The following CDH13 variants were observed in gnomAD, a reference collection of about 807,000 sequenced individuals.
CDH13 encodes cadherin-13.
Under a neutral mutation model 63.8 loss-of-function variants are expected in CDH13, and 24 were observed. The observed-to-expected ratio is 0.38, with a 90% CI of 0.27 to 0.53. The LOEUF (loss-of-function observed/expected upper bound fraction) is 0.53, where lower values mean the gene tolerates loss of function less well. Ranked by LOEUF, CDH13 falls within the 20% of genes least tolerant of loss-of-function variation. The pLI is 0.85. For synonymous variants in CDH13, 503 were observed against 355.3 expected (o/e 1.42, Z -4.67); for missense variants, 1,049 against 903.1 (o/e 1.16, Z -2.07).
intron 1 of CDH13, among the ~76,000 whole-genome samples, chr16:82,741,240 G>A (rs996571558): frequency 6.6e-6 from 1 of 152,146 alleles, no homozygotes; most frequent in Non-Finnish European, 1.5e-5. Flanking sequence ...ACAGTGTGTG[G>A]TTTGTCTCTT....
At chr16:83,332,427 A>G (rs916852720) in intron 5 of CDH13, among the ~76,000 whole-genome samples, 2 of 152,184 alleles carry the variant, frequency 1.3e-5, no homozygotes, top group Admixed American at 6.5e-5. Flanking sequence ...GATAAAACAC[A>G]TTTTAACACT....
At chr16:83,297,195 AT>A (rs1567572493) in intron 5 of CDH13, among the ~76,000 whole-genome samples, 1 of 152,154 alleles carries the variant, frequency 6.6e-6, no homozygotes, top group East Asian at 1.9e-4. Context: ...TCATTATTAT[AT>A]TGTGTATCTG....
At chr16:83,294,823 T>G (rs1010051544) in intron 5 of CDH13, among the ~76,000 whole-genome samples, 2 of 152,062 alleles carry the variant, frequency 1.3e-5, no homozygotes, top group Non-Finnish European at 2.9e-5. Context: ...ATCCACAGAT[T>G]CAACATAATC....
At chr16:83,301,297 C>T (rs968948438) in intron 5 of CDH13, among the ~76,000 whole-genome samples, 2 of 152,046 alleles carry the variant, frequency 1.3e-5, no homozygotes, top group African/African-American at 2.4e-5. Flanking sequence ...TCCCAAAGTG[C>T]AGGGATTACA....
intron 4 of CDH13, chr16:83,180,978 A>T: frequency 8.5e-6 from 13 of 1,531,684 alleles, no homozygotes; most frequent in Non-Finnish European, 1.1e-5. Flanking sequence ...CTATTTGGCG[A>T]CATTATTGCT....
In CDH13 at chr16:83,541,037, G is replaced by A. The variant is rs147115858; in HGVS notation, c.960+54382G>A. On this transcript the variant is annotated intron_variant, in intron 7 of 13. Coordinates refer to ENST00000567109, the MANE Select transcript of CDH13 (RefSeq NM_001257.5). ...GAAATTGTCTTGGGATCATCTTGAC[G>A]TCTCCTGGTTGGAGTATTCATGTTC... Among the ~76,000 whole-genome samples the A allele has an allele frequency of 3.4e-3, 511 of 152,190 alleles. 5 individuals are homozygous for A. In the South Asian group the frequency reaches 0.036, roughly 11 times the overall value.
intron 8 of CDH13, among the ~76,000 whole-genome samples, chr16:83,623,951 G>T (rs1910041981): frequency 6.6e-6 from 1 of 152,208 alleles, no homozygotes; most frequent in African/African-American, 2.4e-5. Context: ...TCATTTCGTT[G>T]TTAGGAACAG....
intron 2 of CDH13, among the ~76,000 whole-genome samples, chr16:82,904,322 C>T (rs904468472): frequency 2.6e-5 from 4 of 152,138 alleles, no homozygotes; most frequent in African/African-American, 9.7e-5. Flanking sequence ...CTTTGGCATC[C>T]AAATCCATTG....
intron 2 of CDH13, among the ~76,000 whole-genome samples, chr16:82,915,342 C>T (rs17742774): frequency 1.3e-5 from 2 of 152,056 alleles, no homozygotes; most frequent in African/African-American, 2.4e-5. Flanking sequence ...CTGGGTACGT[C>T]TTACAGGCTT....
At chr16:83,508,094 AGGAAAG>A (rs1185818596) in intron 7 of CDH13, among the ~76,000 whole-genome samples, 1 of 72,860 alleles carries the variant, frequency 1.4e-5, no homozygotes, top group Non-Finnish European at 2.9e-5. Context: ...GAAGGAAGGA[AGGAAAG>A]AAGGAAGGAA....
At chr16:82,717,701 G>A (rs957491265) in intron 1 of CDH13, among the ~76,000 whole-genome samples, 2 of 152,148 alleles carry the variant, frequency 1.3e-5, no homozygotes, top group Non-Finnish European at 2.9e-5. Context: ...CTATTTAGTG[G>A]CTACCCAGAT....
chr16:83,492,805 T>C (rs578239362), intron 7 of CDH13, among the ~76,000 whole-genome samples: 1 of 152,148 alleles, frequency 6.6e-6, no homozygotes, highest in Non-Finnish European at 1.5e-5. Context: ...CATTTGCTCC[T>C]CCACTCTGGA....
intron 1 of CDH13, among the ~76,000 whole-genome samples, chr16:82,827,391 C>G (rs2038305887): frequency 6.6e-6 from 1 of 152,126 alleles, no homozygotes; most frequent in Non-Finnish European, 1.5e-5. Flanking sequence ...ATGTCTGCCA[C>G]TCACAGAGTG....
At chr16:82,870,190 AT>A (rs546117515) in intron 2 of CDH13, among the ~76,000 whole-genome samples, 11 of 152,190 alleles carry the variant, frequency 7.2e-5, no homozygotes, top group Non-Finnish European at 1.5e-4. Flanking sequence ...AGGAAGACAA[AT>A]GGGTAACAGG....
intron 3 of CDH13, among the ~76,000 whole-genome samples, chr16:83,111,019 A>AAAAAC (rs1363899517): frequency 1.3e-5 from 2 of 151,104 alleles, no homozygotes; most frequent in Admixed American, 6.6e-5. Flanking sequence ...AAAAAAAAAA[A>AAAAAC]AAATTAGCCG....
intron 6 of CDH13, among the ~76,000 whole-genome samples, chr16:83,453,170 G>C (rs1045955743): frequency 6.6e-6 from 1 of 152,194 alleles, no homozygotes; most frequent in Non-Finnish European, 1.5e-5. Flanking sequence ...AAGCAATGAA[G>C]ATGCAAAGAC....
intron 3 of CDH13, among the ~76,000 whole-genome samples, chr16:83,088,133 C>T (rs1406735834): frequency 6.6e-6 from 1 of 152,180 alleles, no homozygotes; most frequent in African/African-American, 2.4e-5. Flanking sequence ...TATCTTAATT[C>T]AGATGTGCAC....
At chr16:82,648,648 A>T (rs555831462) in intron 1 of CDH13, among the ~76,000 whole-genome samples, 2 of 152,198 alleles carry the variant, frequency 1.3e-5, no homozygotes, top group Non-Finnish European at 2.9e-5. Flanking sequence ...CCTAACTGCA[A>T]TTTTGTTCAT....
chr16:83,322,201 T>C (rs1484617326), intron 5 of CDH13, among the ~76,000 whole-genome samples: 1 of 151,946 alleles, frequency 6.6e-6, no homozygotes, highest in African/African-American at 2.4e-5. Flanking sequence ...ATTATGTCGA[T>C]GAGATTAGAG....
Sources: gnomAD v4.1 joint callset for allele counts (sites outside exome capture counted in the v4.1 genomes callset) on GRCh38, gnomAD v4.1.1 for gene constraint, MANE v1.5 for transcripts, NCBI Gene and HGNC (gene_info 2026-07-23, HGNC 2026-07-21) for gene names.